The following DNAH6 variants were observed in gnomAD, a reference collection of about 807,000 sequenced individuals.
DNAH6 encodes the protein dynein axonemal heavy chain 6.
In DNAH6, 340 loss-of-function variants were observed where a neutral mutation model predicts 491.4. That is an observed-to-expected ratio of 0.69 (90% CI 0.63 to 0.76). The LOEUF is 0.76. Among genes scored for constraint, DNAH6 ranks in the 30% least tolerant of loss-of-function variants. The probability of loss-of-function intolerance (pLI) is 0.00; values close to 1 mark genes in which losing one functional copy is unlikely to be tolerated. For missense variants in DNAH6, 4,443 were observed against 4,972.2 expected (o/e 0.89, Z 3.20); for synonymous variants, 1,603 against 1,686.1 (o/e 0.95, Z 1.21).
intron 63 of DNAH6, among the ~76,000 whole-genome samples, chr2:84,757,426 G>C (rs1263198856): frequency 6.6e-6 from 1 of 152,188 alleles, no homozygotes; most frequent in Non-Finnish European, 1.5e-5. Flanking sequence ...TATACAGACT[G>C]CACAAAAGCT....
At position 84,530,210 on chromosome 2, in the gene DNAH6, A is replaced by C. The variant is rs145001644; in HGVS notation, c.662+1044A>C. 8.3e-4 allele frequency among the ~76,000 whole-genome samples: 127 copies of C among 152,296 alleles called. 2 individuals carry two copies. Among genetic ancestry groups the C allele is most frequent in the African/African-American group, 2.9e-3 (121 of 41,558 alleles). On this transcript the variant is annotated intron_variant, in intron 4 of 76. Transcript: ENST00000389394. ...ATAATAAACCAGACATGAGTAAATT[A>C]TGCAGAATACTAAAATGTGATAAGT...
chr2:84,523,038 A>G (rs1415139730), intron 2 of DNAH6, among the ~76,000 whole-genome samples: 1 of 152,076 alleles, frequency 6.6e-6, no homozygotes, highest in African/African-American at 2.4e-5. Context: ...TTTCAGTAGG[A>G]ATGGTACCAG....
chr2:84,655,331 C>T (rs1345801410), intron 35 of DNAH6, among the ~76,000 whole-genome samples: 1 of 152,054 alleles, frequency 6.6e-6, no homozygotes, highest in Non-Finnish European at 1.5e-5. Flanking sequence ...TGAAGGAAAG[C>T]TTATACATTG....
intron 64 of DNAH6, among the ~76,000 whole-genome samples, chr2:84,775,251 G>A (rs1022683332): frequency 4.6e-5 from 7 of 152,114 alleles, no homozygotes; most frequent in Non-Finnish European, 8.8e-5. Context: ...AGCATTTTCT[G>A]TGTCTATTGA....
chr2:84,787,129 AT>A, intron 67 of DNAH6, 34 bp from the exon 68 acceptor site: 1 of 1,450,548 alleles, frequency 6.9e-7, no homozygotes, highest in Middle Eastern at 1.8e-4. Context: ...ATTTTATCAA[AT>A]TTTATTTCAG....
intron 4 of DNAH6, among the ~76,000 whole-genome samples, chr2:84,537,000 A>C (rs1444688198): frequency 1.3e-5 from 2 of 151,988 alleles, no homozygotes; most frequent in African/African-American, 4.8e-5. Flanking sequence ...TGTCTTCACC[A>C]AGCCCCTGCA....
At chr2:84,719,289 A>G (rs1305676290) in intron 59 of DNAH6, among the ~76,000 whole-genome samples, 1 of 151,920 alleles carries the variant, frequency 6.6e-6, no homozygotes, top group Non-Finnish European at 1.5e-5. Flanking sequence ...CCTGTCGTTC[A>G]TTCTTCCTTG....
At position 84,745,034 on chromosome 2, in the gene DNAH6, C is replaced by T. The variant is rs554601948; in HGVS notation, c.10343-46C>T. On this transcript the variant is annotated intron_variant, in intron 62 of 76. Transcript: ENST00000389394. ...TACCAAACATTATTTAATTTCAAAG[C>T]CAAAACAAATCTAATTAAATTATCT... is the stretch of plus-strand genomic sequence containing the variant. 117 of 1,257,878 alleles carry T rather than the reference C, an allele frequency of 9.3e-5. No individual in the cohort carries two copies. In the South Asian group the frequency reaches 1.9e-3, roughly 20 times the overall value. 77.9% of individuals were successfully genotyped at this position (1,257,878 alleles called of 1,614,324 possible). A position where few individuals can be genotyped will look rare whatever the true frequency, so the allele number is the denominator to read the frequency against.
intron 23 of DNAH6, among the ~76,000 whole-genome samples, chr2:84,617,656 A>G (rs1452045325): frequency 6.6e-6 from 1 of 151,754 alleles, no homozygotes; most frequent in Non-Finnish European, 1.5e-5. Context: ...TGATCACCCC[A>G]TTGTTTTACT....
chr2:84,705,545 T>C lies in DNAH6; in HGVS notation c.8525T>C (p.Leu2842Ser), dbSNP rs1162065235. The stretch of plus-strand genomic sequence containing the variant: ...GACTCTAACTTTCTAAAAAGGCTTT[T>C]AGAATATGATAAGGAGAACATAAAG... ...LGDSNFLKRL[L>S]EYDKENIKPQ... Residue 2842 changes from leucine to serine, a missense_variant, in exon 52 of 77, where the codon TTA (leucine) becomes TCA (serine). Physicochemically the swap from Leu to Ser is moderately radical, Grantham distance 145. Transcript: ENST00000389394. The C allele has an allele frequency of 3.9e-6, 6 of 1,551,378 alleles. No individual in the cohort carries two copies. Among genetic ancestry groups the C allele is most frequent in the Middle Eastern group, 1.7e-4 (1 of 5,992 alleles).
intron 21 of DNAH6, among the ~76,000 whole-genome samples, chr2:84,609,696 A>G (rs1278382855): frequency 6.9e-6 from 1 of 144,356 alleles, no homozygotes; most frequent in Admixed American, 6.9e-5. Flanking sequence ...ATAATGTTTA[A>G]TAATAATATT....
intron 47 of DNAH6, chr2:84,697,980 C>A: frequency 2.0e-6 from 1 of 499,570 alleles, no homozygotes; most frequent in Non-Finnish European, 3.6e-6. Context: ...CCAAACTGGC[C>A]AGCCTCTCTT....
chr2:84,598,960 G>C (rs1461746800), intron 18 of DNAH6, among the ~76,000 whole-genome samples: 1 of 151,358 alleles, frequency 6.6e-6, no homozygotes, highest in African/African-American at 2.4e-5. Flanking sequence ...AACCTGGGAG[G>C]TGGAGGTTTC....
At chr2:84,706,358 CTT>C (rs1432748674) in intron 52 of DNAH6, among the ~76,000 whole-genome samples, 2 of 152,168 alleles carry the variant, frequency 1.3e-5, no homozygotes, top group Non-Finnish European at 2.9e-5. Context: ...TCCAATATAA[CTT>C]TATTTATTGA....
the DNAH6 span, among the ~76,000 whole-genome samples, chr2:84,497,318 A>G: frequency 6.6e-6 from 1 of 152,012 alleles, no homozygotes; most frequent in East Asian, 1.9e-4. Flanking sequence ...TCGTTCAGCT[A>G]ATGTTTTTCA....
intron 2 of DNAH6, among the ~76,000 whole-genome samples, chr2:84,520,706 T>C (rs1676052587): frequency 6.6e-6 from 1 of 152,096 alleles, no homozygotes; most frequent in South Asian, 2.1e-4. Context: ...GATGATGACC[T>C]CAAGCTCCAT....
chr2:84,697,637 T>G lies in DNAH6; in HGVS notation c.7587T>G (p.Asn2529Lys), dbSNP rs766221574. 2 of 1,552,064 alleles carry G rather than the reference T, an allele frequency of 1.3e-6. No homozygotes were observed. Among genetic ancestry groups the G allele is most frequent in the Non-Finnish European group, 1.7e-6 (2 of 1,147,052 alleles). The change falls in exon 47 of 77, where the codon AAT (asparagine) becomes AAG (lysine). Residue 2529 changes from asparagine (N) to lysine (K), a missense_variant. Transcript: ENST00000389394. ...NNILNSGEVP[N>K]LFEKDELEQV... is the part of the protein sequence containing the mutation. ...TCCTGAACTCAGGTGAAGTGCCTAA[T>G]TTATTTGAAAAGGATGAACTGGAGC... is the stretch of plus-strand genomic sequence containing the variant.
chr2:84,672,615 C>T (rs1692841964), intron 40 of DNAH6, 131 bp downstream of exon 40: 1 of 845,764 alleles, frequency 1.2e-6, no homozygotes, highest in South Asian at 1.9e-5. Context: ...TTTATTTTCT[C>T]ATAATTCTGA....
In DNAH6 at chr2:84,677,043, T is replaced by C; in HGVS notation, c.6651T>C (p.Gly2217=). The change falls in exon 41 of 77, where the codon GGT becomes GGC. Residue 2217 remains glycine, a synonymous_variant. Coordinates refer to ENST00000389394, the MANE Select transcript of DNAH6 (RefSeq NM_001370.2). The part of the protein sequence containing the change: ...TIISACAPPG[G]GRNPVTPRFI... ...TATCGGCATGTGCACCTCCAGGCGG[T>C]GGCCGCAACCCTGTGACTCCCCGCT... 2 of 1,551,740 alleles carry C rather than the reference T, an allele frequency of 1.3e-6. No homozygotes were observed. The highest frequency in any genetic ancestry group is 2.4e-5 in the South Asian group (2 of 84,062).
Sources: allele counts gnomAD v4.1 joint callset (sites outside exome capture counted in the v4.1 genomes callset), GRCh38; gene constraint gnomAD v4.1.1; transcripts MANE v1.5; gene names NCBI Gene and HGNC (gene_info 2026-07-23, HGNC 2026-07-21).